HECW1: variants seen among roughly 807,000 people sequenced by gnomAD.
The protein encoded by HECW1 is E3 ubiquitin-protein ligase HECW1.
Under a neutral mutation model 182.3 loss-of-function variants are expected in HECW1, and 61 were observed. The ratio of observed to expected loss-of-function variants is 0.33; its 90% CI spans 0.27 to 0.41. The LOEUF (loss-of-function observed/expected upper bound fraction) is 0.41, where lower values mean the gene tolerates loss of function less well. Among genes scored for constraint, HECW1 ranks in the 10% least tolerant of loss-of-function variants. The probability of loss-of-function intolerance (pLI) is 1.00; values close to 1 mark genes in which losing one functional copy is unlikely to be tolerated. For synonymous variants in HECW1, 859 were observed against 832.6 expected, an observed-to-expected ratio of 1.03 and a Z score of -0.55; for missense variants, 1,739 against 2,108.9, an observed-to-expected ratio of 0.82 and a Z score of 3.44.
At chr7:43,474,197 C>A (rs2078130478) in intron 16 of HECW1, among the ~76,000 whole-genome samples, 1 of 152,176 alleles carries the variant, frequency 6.6e-6, no homozygotes, top group Non-Finnish European at 1.5e-5. Flanking sequence ...CGCCTGTAAT[C>A]CCAGCTCTTT....
At chr7:43,496,858 T>TG (rs2079140759) in intron 19 of HECW1, among the ~76,000 whole-genome samples, 1 of 152,222 alleles carries the variant, frequency 6.6e-6, no homozygotes, top group African/African-American at 2.4e-5. Context: ...TCAAGGGGCA[T>TG]GGAGGTGGTC....
chr7:43,408,873 C>T (rs2075703010), intron 8 of HECW1, among the ~76,000 whole-genome samples: 1 of 152,044 alleles, frequency 6.6e-6, no homozygotes, highest in Admixed American at 6.6e-5. Context: ...ATTCTAATCC[C>T]AGTGTGGCCA....
chr7:43,382,925 T>G (rs555231554), intron 6 of HECW1, among the ~76,000 whole-genome samples: 12 of 152,222 alleles, frequency 7.9e-5, no homozygotes, highest in African/African-American at 2.9e-4. Context: ...ATGCTCTCCC[T>G]CCCCTTGTCC....
At chr7:43,553,136 T>A (rs555708894) in intron 28 of HECW1, among the ~76,000 whole-genome samples, 1 of 152,344 alleles carries the variant, frequency 6.6e-6, no homozygotes, top group Admixed American at 6.5e-5. Context: ...CCTTGCACAC[T>A]GCCAGACCTG....
At chr7:43,492,323 G>A (rs760481631) in intron 18 of HECW1, 143 bp downstream of exon 18, 1 of 612,162 alleles carries the variant, frequency 1.6e-6, no homozygotes, top group Non-Finnish European at 2.9e-6. Context: ...AGGATATAGT[G>A]CACACCCCGA....
chr7:43,319,350 G>GCA (rs1809743876), intron 4 of HECW1, among the ~76,000 whole-genome samples: 1 of 140,884 alleles, frequency 7.1e-6, no homozygotes, highest in African/African-American at 2.6e-5. Flanking sequence ...TTGCGCCACT[G>GCA]GAGTCCGCAG....
intron 6 of HECW1, among the ~76,000 whole-genome samples, chr7:43,368,160 G>T (rs956802557): frequency 6.6e-6 from 1 of 152,228 alleles, no homozygotes; most frequent in Non-Finnish European, 1.5e-5. Context: ...CAAGCCACCT[G>T]CCTAAGATAC....
intron 6 of HECW1, among the ~76,000 whole-genome samples, chr7:43,382,026 C>T (rs988225347): frequency 9.2e-5 from 14 of 152,146 alleles, no homozygotes; most frequent in African/African-American, 3.1e-4. Flanking sequence ...CCCCTCACGC[C>T]TGTAGTCCCA....
chr7:43,561,734 CACA>C, intron 29 of HECW1, 78 bp from the exon 30 acceptor site: 1 of 955,530 alleles, frequency 1.0e-6, no homozygotes. Flanking sequence ...CTTTTTGAAT[CACA>C]ACTTCAGACA....
intron 2 of HECW1, among the ~76,000 whole-genome samples, chr7:43,236,389 A>T (rs534422751): frequency 1.3e-5 from 2 of 152,286 alleles, no homozygotes; most frequent in East Asian, 3.9e-4. Context: ...TCAATTTAGA[A>T]AGTTTCTTTT....
intron 17 of HECW1, among the ~76,000 whole-genome samples, chr7:43,490,270 G>A (rs952973092): frequency 1.3e-5 from 2 of 152,242 alleles, no homozygotes; most frequent in East Asian, 1.9e-4. Flanking sequence ...AGCTGCTTCC[G>A]TACCATGCTC....
intron 2 of HECW1, among the ~76,000 whole-genome samples, chr7:43,219,639 T>TAAAAC: frequency 6.6e-6 from 1 of 150,902 alleles, no homozygotes; most frequent in South Asian, 2.1e-4. Flanking sequence ...ATAATTAGAA[T>TAAAAC]AGAACAGAAC....
At chr7:43,251,319 TA>T (rs1800003964) in intron 3 of HECW1, among the ~76,000 whole-genome samples, 1 of 152,190 alleles carries the variant, frequency 6.6e-6, no homozygotes, top group South Asian at 2.1e-4. Flanking sequence ...TTTTTTCTTT[TA>T]TTTTTTTGAG....
chr7:43,528,583 G>T (rs1239361233), intron 24 of HECW1, among the ~76,000 whole-genome samples: 2 of 152,010 alleles, frequency 1.3e-5, no homozygotes, highest in Non-Finnish European at 2.9e-5. Context: ...ATCTCTATAT[G>T]GTCAGAGGGT....
At chr7:43,360,218 T>TC (rs1163619355) in intron 5 of HECW1, among the ~76,000 whole-genome samples, 2 of 150,754 alleles carry the variant, frequency 1.3e-5, no homozygotes, top group African/African-American at 2.4e-5. Flanking sequence ...GAACTTTCTT[T>TC]TTTTTTTTTT....
At chr7:43,334,970 A>G (rs1811936134) in intron 5 of HECW1, among the ~76,000 whole-genome samples, 1 of 152,232 alleles carries the variant, frequency 6.6e-6, no homozygotes, top group Non-Finnish European at 1.5e-5. Flanking sequence ...TTATTTTACA[A>G]TATGAATTTT....
rs140348052 is a variant in HECW1 at position 43,387,502 on chromosome 7, C to T, written c.556-9312C>T. Among the ~76,000 whole-genome samples the T allele has an allele frequency of 6.2e-4, 94 of 152,326 alleles. No homozygotes were observed. The Middle Eastern group carries it at 0.027, about 44-fold the overall frequency. On this transcript the variant is annotated intron_variant, in intron 6 of 29. Coordinates refer to ENST00000395891, the MANE Select transcript of HECW1 (RefSeq NM_015052.5). Reference sequence around the variant, plus strand: ...TCCATAACCAACTAGAGAAACAGGACCATCCATCTTCAGGTCTTTTACAGA... The same window carrying T: ...TCCATAACCAACTAGAGAAACAGGATCATCCATCTTCAGGTCTTTTACAGA...
intron 2 of HECW1, among the ~76,000 whole-genome samples, chr7:43,185,045 C>T (rs777477785): frequency 1.1e-4 from 17 of 152,100 alleles, no homozygotes; most frequent in Non-Finnish European, 2.5e-4. Flanking sequence ...CCACCTCCAA[C>T]ATTGGGGATT....
At chr7:43,342,083 CTG>C (rs548563831) in intron 5 of HECW1, among the ~76,000 whole-genome samples, 42 of 151,940 alleles carry the variant, frequency 2.8e-4, no homozygotes, top group Middle Eastern at 3.4e-3. Context: ...TAAAAGATGA[CTG>C]TTTCATTCTG....
Sources: allele counts gnomAD v4.1 joint callset (sites outside exome capture counted in the v4.1 genomes callset), GRCh38; gene constraint gnomAD v4.1.1; transcripts MANE v1.5; gene names NCBI Gene and HGNC (gene_info 2026-07-23, HGNC 2026-07-21).